Variants in GUSB observed in about 807,000 individuals in gnomAD.
The protein encoded by GUSB is glucuronidase beta.
In GUSB, 51 loss-of-function variants were observed where a neutral mutation model predicts 74.6. The observed-to-expected ratio is 0.68, with a 90% CI of 0.55 to 0.86. The LOEUF is 0.86. Among genes scored for constraint, GUSB ranks in the 40% least tolerant of loss-of-function variants. The probability of loss-of-function intolerance (pLI) is 0.00; values close to 1 mark genes in which losing one functional copy is unlikely to be tolerated. For synonymous variants in GUSB, 360 were observed against 348.3 expected (o/e 1.03, Z -0.37); for missense variants, 736 against 853.7 (o/e 0.86, Z 1.72).
At chr7:65,977,387 C>T (rs1791653763) in intron 4 of GUSB, among the ~76,000 whole-genome samples, 1 of 152,160 alleles carries the variant, frequency 6.6e-6, no homozygotes, top group African/African-American at 2.4e-5. Flanking sequence ...AGTGATCCAC[C>T]CATCTCGGCC....
chr7:65,979,237 C>T (rs74710826), intron 4 of GUSB, 162 bp downstream of exon 4: 16,281 of 797,512 alleles, frequency 0.02, 204 homozygotes, highest in East Asian at 0.032. Context: ...TTTGGGAGCC[C>T]GTATCCGCTC....
chr7:65,965,891 C>A (rs2115853232), intron 10 of GUSB, among the ~76,000 whole-genome samples: 1 of 152,214 alleles, frequency 6.6e-6, no homozygotes, highest in Non-Finnish European at 1.5e-5. Flanking sequence ...AGAGCTAGGG[C>A]TTGGCACGGT....
chr7:65,964,658 A>T (rs1484647876), intron 10 of GUSB, among the ~76,000 whole-genome samples, 200 bp from the exon 11 acceptor site: 1 of 152,184 alleles, frequency 6.6e-6, no homozygotes, highest in African/African-American at 2.4e-5. Context: ...TTAAAAAAAA[A>T]AACAACCTTA....
In GUSB at chr7:65,960,966, A is replaced by AATC. The variant is rs1421167945; in HGVS notation, c.1884_1886dup (p.Lys628_Ile629insMet). Reference sequence around the variant, plus strand: ...AGTGGGGATACCTGGTTTCATTGGCAATCTTCCAGTATCTCTCTCGCAAAA... The same window carrying AATC: ...AGTGGGGATACCTGGTTTCATTGGCAATCATCTTCCAGTATCTCTCTCGCAAAA... On this transcript the variant is annotated inframe_insertion, in exon 12 of 12. Transcript: ENST00000304895. 5 of 1,613,650 alleles carry AATC rather than the reference A, an allele frequency of 3.1e-6. No homozygotes were observed. In the African/African-American group the frequency reaches 6.7e-5, roughly 22 times the overall value.
chr7:65,978,029 C>G (rs1025928691), intron 4 of GUSB, among the ~76,000 whole-genome samples: 1 of 151,814 alleles, frequency 6.6e-6, no homozygotes, highest in Non-Finnish European at 1.5e-5. Context: ...TCAGGATGGT[C>G]GCGATCTCCT....
At position 65,964,497 on chromosome 7, in the gene GUSB, G is replaced by T. The variant is rs781491501; in HGVS notation, c.1654-39C>A. ...CAAAGAGAATGTAAGAGTCAGAACT[G>T]GCAGAATTGTAAATGTTAGATAAAA... On this transcript the variant is annotated intron_variant, in intron 10 of 11. Transcript: ENST00000304895. 9.4e-6 allele frequency: 15 copies of T among 1,595,804 alleles called. No individual in the cohort carries two copies. In the South Asian group the frequency reaches 1.3e-4, roughly 14 times the overall value.
chr7:65,967,686 T>TC (rs748181124), intron 10 of GUSB, 45 bp downstream of exon 10: 1 of 1,531,790 alleles, frequency 6.5e-7, no homozygotes, highest in South Asian at 1.1e-5. Flanking sequence ...GAGTGACATC[T>TC]CTGCCCTGAG....
At chr7:65,974,190 TG>T in intron 8 of GUSB, 104 bp downstream of exon 8, 1 of 1,072,350 alleles carries the variant, frequency 9.3e-7, no homozygotes, top group Non-Finnish European at 1.4e-6. Flanking sequence ...GCCTTCCCAT[TG>T]GGCTGGACAC....
Position 65,967,829 on chromosome 7 carries a change from G to A in GUSB, c.1555C>T (p.Leu519=). ...HDYGHLELIQ[L]QLATQFENWY... is the part of the protein sequence containing the mutation. ...TTCTCAAACTGGGTGGCCAGCTGCA[G>A]CTGAATCAACTCCAGGTGCCCGTAG... Residue 519 remains leucine (L), a synonymous_variant, in exon 10 of 12, where the codon CTG becomes TTG. Coordinates refer to ENST00000304895, the MANE Select transcript of GUSB (RefSeq NM_000181.4). The A allele has an allele frequency of 6.2e-7, 1 of 1,609,774 alleles. No homozygotes were observed.
At position 65,961,736 on chromosome 7, in the gene GUSB, G is replaced by A. The variant is rs185136381; in HGVS notation, c.1790-673C>T. On this transcript the variant is annotated intron_variant, in intron 11 of 11. Transcript: ENST00000304895. ...ATACAAAAACTGGCTGGGCACATTG[G>A]CTCATGCCTGTAATCCCAGCACTCT... Among the ~76,000 whole-genome samples the A allele has an allele frequency of 1.3e-3, 196 of 152,320 alleles. 1 individual carries two copies. The highest frequency in any genetic ancestry group is 4.5e-3 in the African/African-American group (186 of 41,582).
chr7:65,973,667 G>T lies in GUSB; in HGVS notation c.1391+628C>A, dbSNP rs561875313. Among the ~76,000 whole-genome samples the T allele has an allele frequency of 2.6e-5, 4 of 152,344 alleles. No individual in the cohort carries two copies. The South Asian group carries it at 8.3e-4, about 32-fold the overall frequency. On this transcript the variant is annotated intron_variant, in intron 8 of 11. Coordinates refer to ENST00000304895, the MANE Select transcript of GUSB (RefSeq NM_000181.4). ...AGCTACTCGGGAGGCTGAGGCTGGA[G>T]AATCACTTGAACCTGAGCGGCAGAG...
At chr7:65,964,565 G>T in intron 10 of GUSB, 107 bp from the exon 11 acceptor site, 1 of 974,912 alleles carries the variant, frequency 1.0e-6, no homozygotes, top group Non-Finnish European at 1.6e-6. Context: ...TGTCTTCACA[G>T]GGGGCTATAG....
chr7:65,977,269 C>T (rs1288659766), intron 4 of GUSB, among the ~76,000 whole-genome samples: 8 of 152,038 alleles, frequency 5.3e-5, no homozygotes, highest in Non-Finnish European at 1.0e-4. Flanking sequence ...CTCCACCTCC[C>T]GGGTTCAAAC....
rs149606212 is a variant in GUSB at position 65,979,854 on chromosome 7, C to T, written c.454G>A (p.Asp152Asn). The part of the protein sequence containing the change: ...HEGGYLPFEA[D>N]ISNLVQVGPL... Reference sequence around the variant, plus strand: ...CCCACCTGGACCAGGTTGCTGATGTCGGCCTCGAAGGGGAGGTAGCCCCCC... The same window carrying T: ...CCCACCTGGACCAGGTTGCTGATGTTGGCCTCGAAGGGGAGGTAGCCCCCC... The change falls in exon 3 of 12, where the codon GAC becomes AAC. Residue 152 changes from aspartate to asparagine, a missense_variant. Transcript: ENST00000304895. The T allele has an allele frequency of 1.8e-3, 2,925 of 1,613,278 alleles. 2 individuals carry two copies. Among genetic ancestry groups the T allele is most frequent in the Non-Finnish European group, 2.2e-3 (2,654 of 1,179,832 alleles).
chr7:65,980,824 T>C (rs578103004), intron 1 of GUSB: 22 of 302,560 alleles, frequency 7.3e-5, no homozygotes, highest in African/African-American at 4.5e-4. Context: ...CTTTCCCTCC[T>C]GTACTGAATG....
chr7:65,963,499 G>A (rs1299464411), intron 11 of GUSB, among the ~76,000 whole-genome samples: 1 of 152,130 alleles, frequency 6.6e-6, no homozygotes, highest in African/African-American at 2.4e-5. Context: ...GAACTTGGCA[G>A]CCCCTCATCC....
chr7:65,973,544 G>A (rs141772538), intron 8 of GUSB, among the ~76,000 whole-genome samples: 18 of 152,172 alleles, frequency 1.2e-4, no homozygotes, highest in African/African-American at 9.6e-5. Flanking sequence ...ACGAGATTGC[G>A]CCACTGCACT....
intron 1 of GUSB, 166 bp downstream of exon 1, chr7:65,981,808 C>T: frequency 1.6e-6 from 1 of 616,356 alleles, no homozygotes; most frequent in South Asian, 2.1e-5. Flanking sequence ...CAGGGTGCTC[C>T]TGTTCCCCCG....
chr7:65,961,746 G>A (rs765991786), intron 11 of GUSB, among the ~76,000 whole-genome samples: 1 of 152,200 alleles, frequency 6.6e-6, no homozygotes, highest in African/African-American at 2.4e-5. Context: ...GCTCATGCCT[G>A]TAATCCCAGC....
Sources: allele counts gnomAD v4.1 joint callset (sites outside exome capture counted in the v4.1 genomes callset), GRCh38; gene constraint gnomAD v4.1.1; transcripts MANE v1.5; gene names NCBI Gene and HGNC (gene_info 2026-07-23, HGNC 2026-07-21).